SCGB2B2: variants seen among roughly 807,000 people sequenced by gnomAD.
The protein encoded by SCGB2B2 is secretoglobin-like protein.
Under a neutral mutation model 7.6 loss-of-function variants are expected in SCGB2B2, and 11 were observed. That is an observed-to-expected ratio of 1.45 (90% CI 0.91 to 2.40). The LOEUF is 2.40. Ranked by LOEUF, SCGB2B2 falls within the 30% of genes most tolerant of loss-of-function variation. SCGB2B2 has a pLI of 0.00. For missense variants in SCGB2B2, 104 were observed against 115.4 expected (o/e 0.90, Z 0.45); for synonymous variants, 50 against 48.6 (o/e 1.03, Z -0.12).
At chr19:34,660,234 T>C (rs572264790) in intron 1 of SCGB2B2, among the ~76,000 whole-genome samples, 5 of 152,170 alleles carry the variant, frequency 3.3e-5, no homozygotes, top group Admixed American at 2.0e-4. Flanking sequence ...GCAAAGACTT[T>C]ATGACTGAAA....
intron 1 of SCGB2B2, among the ~76,000 whole-genome samples, chr19:34,611,174 A>G (rs951645397): frequency 1.2e-4 from 18 of 151,208 alleles, no homozygotes; most frequent in African/African-American, 4.4e-4. Context: ...GATGTCTACT[A>G]TTTCATTTTT....
At chr19:34,620,680 A>G (rs868115311) in intron 1 of SCGB2B2, among the ~76,000 whole-genome samples, 1 of 152,238 alleles carries the variant, frequency 6.6e-6, no homozygotes. Context: ...AAAAAGTCAG[A>G]TGAATTTTCT....
chr19:34,653,317 C>A (rs945426208), intron 1 of SCGB2B2, among the ~76,000 whole-genome samples: 2 of 150,876 alleles, frequency 1.3e-5, no homozygotes, highest in Non-Finnish European at 2.9e-5. Context: ...GTGTAATATA[C>A]AATTTATTGT....
At chr19:34,599,454 G>A (rs1303690166) in intron 1 of SCGB2B2, among the ~76,000 whole-genome samples, 1 of 152,232 alleles carries the variant, frequency 6.6e-6, no homozygotes, top group Admixed American at 6.5e-5. Context: ...CACAATCACG[G>A]TGGAAGGTGA....
In SCGB2B2 at chr19:34,592,787, T is replaced by C. The variant is rs1219147589; in HGVS notation, c.*768A>G. ...ATGGCCACACAGACCCATGGCCTCA[T>C]GCAGATTGCCTGGTCCCACCAGCCC... On this transcript the variant is annotated 3_prime_UTR_variant, in exon 4 of 4. Transcript: ENST00000601241. Among the ~76,000 whole-genome samples, 1 of 152,156 alleles carries C rather than the reference T, an allele frequency of 6.6e-6. No homozygotes were observed. The highest frequency in any genetic ancestry group is 1.5e-5 in the Non-Finnish European group (1 of 68,024).
chr19:34,600,972 T>C (rs1287980058), intron 1 of SCGB2B2, among the ~76,000 whole-genome samples: 1 of 151,980 alleles, frequency 6.6e-6, no homozygotes, highest in African/African-American at 2.4e-5. Context: ...TCTTATCTCA[T>C]GGTCATAAAG....
chr19:34,622,705 A>G (rs1017223889), intron 1 of SCGB2B2, among the ~76,000 whole-genome samples: 3 of 152,174 alleles, frequency 2.0e-5, no homozygotes, highest in African/African-American at 7.2e-5. Flanking sequence ...TGTCATCTAC[A>G]TACTGCAAAG....
intron 1 of SCGB2B2, among the ~76,000 whole-genome samples, chr19:34,598,200 G>A (rs1024211826): frequency 6.6e-6 from 1 of 152,218 alleles, no homozygotes; most frequent in Non-Finnish European, 1.5e-5. Flanking sequence ...TGCAGGAACA[G>A]TGACGCAGCA....
intron 1 of SCGB2B2, among the ~76,000 whole-genome samples, chr19:34,612,889 T>C (rs138650484): frequency 6.6e-6 from 1 of 152,366 alleles, no homozygotes; most frequent in South Asian, 2.1e-4. Flanking sequence ...GGTATATTGA[T>C]TGATCTTTTA....
intron 1 of SCGB2B2, among the ~76,000 whole-genome samples, chr19:34,668,953 C>G (rs1308701355): frequency 6.6e-6 from 1 of 151,136 alleles, no homozygotes; most frequent in Non-Finnish European, 1.5e-5. Flanking sequence ...CAGTGGCAAC[C>G]AGCTGGGGTC....
downstream of SCGB2B2, among the ~76,000 whole-genome samples, chr19:34,588,307 G>T (rs2145707085): frequency 6.6e-6 from 1 of 152,244 alleles, no homozygotes; most frequent in African/African-American, 2.4e-5. Flanking sequence ...CAAATTGGTG[G>T]TTGTATTGTT....
intron 1 of SCGB2B2, among the ~76,000 whole-genome samples, chr19:34,658,266 T>C (rs1013436780): frequency 4.0e-5 from 6 of 151,768 alleles, no homozygotes; most frequent in Non-Finnish European, 5.9e-5. Flanking sequence ...CTGAAGGAGA[T>C]AGAGATACAA....
At chr19:34,618,554 T>TTA (rs1354764488) in intron 1 of SCGB2B2, among the ~76,000 whole-genome samples, 18 of 152,212 alleles carry the variant, frequency 1.2e-4, no homozygotes, top group African/African-American at 4.1e-4. Context: ...GCTTGAACCT[T>TTA]TAGTTTTTTT....
chr19:34,649,023 C>T (rs975490281), intron 1 of SCGB2B2, among the ~76,000 whole-genome samples: 1 of 152,320 alleles, frequency 6.6e-6, no homozygotes, highest in Non-Finnish European at 1.5e-5. Context: ...CTGCCTCAGC[C>T]TCCCAAGTAG....
At chr19:34,665,866 T>C (rs974795955) in intron 1 of SCGB2B2, among the ~76,000 whole-genome samples, 5 of 151,924 alleles carry the variant, frequency 3.3e-5, no homozygotes, top group African/African-American at 9.7e-5. Context: ...CCCCACTCCC[T>C]CTAGAAAGCC....
intron 1 of SCGB2B2, among the ~76,000 whole-genome samples, chr19:34,617,779 T>C (rs1321950332): frequency 1.3e-5 from 2 of 152,202 alleles, no homozygotes; most frequent in African/African-American, 4.8e-5. Flanking sequence ...TCAAAGGGAA[T>C]GCTTCCAGTT....
chr19:34,627,178 T>G (rs933454048), intron 1 of SCGB2B2, among the ~76,000 whole-genome samples: 1 of 152,124 alleles, frequency 6.6e-6, no homozygotes, highest in Non-Finnish European at 1.5e-5. Context: ...AGACCATCAA[T>G]GATAGGAAGA....
chr19:34,597,937 G>A (rs1307136074), intron 1 of SCGB2B2, among the ~76,000 whole-genome samples: 1 of 152,138 alleles, frequency 6.6e-6, no homozygotes, highest in East Asian at 1.9e-4. Flanking sequence ...AGCCATGTTA[G>A]GATAGAGAGT....
chr19:34,624,810 T>C (rs981623013), intron 1 of SCGB2B2, among the ~76,000 whole-genome samples: 1 of 152,108 alleles, frequency 6.6e-6, no homozygotes, highest in South Asian at 2.1e-4. Flanking sequence ...CCAAGAGTGA[T>C]GGGGGATTGA....
Sources: allele counts gnomAD v4.1 joint callset (sites outside exome capture counted in the v4.1 genomes callset), GRCh38; gene constraint gnomAD v4.1.1; transcripts MANE v1.5; gene names NCBI Gene and HGNC (gene_info 2026-07-23, HGNC 2026-07-21).